Variants in PRSS23 observed in about 807,000 individuals in gnomAD.
PRSS23 encodes the protein serine protease 23.
A neutral mutation model predicts 34.7 loss-of-function variants in PRSS23; 25 were observed. The ratio of observed to expected loss-of-function variants is 0.72; its 90% confidence interval spans 0.53 to 1.01. PRSS23 has a LOEUF of 1.01. PRSS23 is among the 50% of genes least tolerant of loss of function. The probability of loss-of-function intolerance (pLI) is 0.00; values close to 1 mark genes in which losing one functional copy is unlikely to be tolerated. For synonymous variants in PRSS23, 176 were observed against 186.6 expected (o/e 0.94, Z 0.46); for missense variants, 445 against 475.6 (o/e 0.94, Z 0.60).
chr11:86,799,408 A>C (rs1031335031), upstream of PRSS23, among the ~76,000 whole-genome samples: 1 of 152,216 alleles, frequency 6.6e-6, no homozygotes, highest in African/African-American at 2.4e-5. Flanking sequence ...GAGAAAGGAA[A>C]GCTAAGTAGC....
At chr11:86,817,313 A>T (rs752629711) in intron 1 of PRSS23, among the ~76,000 whole-genome samples, 8 of 152,198 alleles carry the variant, frequency 5.3e-5, no homozygotes, top group Non-Finnish European at 7.3e-5. Flanking sequence ...GAAATGTGTC[A>T]ATCTGTCCAG....
At chr11:86,844,822 G>A (rs932336154) in intron 2 of PRSS23, among the ~76,000 whole-genome samples, 8 of 152,204 alleles carry the variant, frequency 5.3e-5, no homozygotes, top group Non-Finnish European at 1.0e-4. Context: ...GGGCATGGCG[G>A]CTCATGCCTG....
chr11:86,855,057 C>T lies in PRSS23; in HGVS notation c.206+31464C>T, dbSNP rs112708109. On this transcript the variant is annotated intron_variant, in intron 2 of 2. Transcript: ENST00000533902. ...GCACATGCCTGTTATCCCAGCTATT[C>T]GGGAGGCTGAGGCAGGAGAATCACT... Among the ~76,000 whole-genome samples, 372 of 151,930 alleles carry T rather than the reference C, an allele frequency of 2.4e-3. 3 individuals are homozygous for T. Among genetic ancestry groups the T allele is most frequent in the African/African-American group, 6.7e-3 (278 of 41,440 alleles).
intron 2 of PRSS23, among the ~76,000 whole-genome samples, chr11:86,859,896 C>A (rs546580139): frequency 6.6e-6 from 1 of 151,792 alleles, no homozygotes; most frequent in Non-Finnish European, 1.5e-5. Flanking sequence ...TGATATTACT[C>A]CAAATATTGC....
At chr11:86,911,241 T>C (rs1948975195) in intron 2 of PRSS23, 1 of 152,124 alleles carries the variant, frequency 6.6e-6, no homozygotes, top group South Asian at 2.1e-4. Flanking sequence ...ATAATTAGCT[T>C]ATAAGGAATC....
chr11:86,808,886 G>A lies in PRSS23; in HGVS notation c.*91G>A, dbSNP rs1225857587. 3.0e-6 allele frequency: 2 copies of A among 676,254 alleles called. No homozygotes were observed. Among genetic ancestry groups the A allele is most frequent in the Non-Finnish European group, 4.7e-6 (2 of 421,946 alleles). The allele number at this position is 676,254 out of a possible 1,614,324, so 41.9% of individuals were successfully genotyped here. ...TTTTTTGTCATTGGCGTGCACACGT[G>A]TGTGTGTGTGTGTGTGTGTGTGTAA... On this transcript the variant is annotated 3_prime_UTR_variant, in exon 2 of 2. Coordinates refer to ENST00000280258, the MANE Select transcript of PRSS23 (RefSeq NM_007173.6).
intron 2 of PRSS23, among the ~76,000 whole-genome samples, chr11:86,880,628 C>T (rs1007281098): frequency 1.3e-5 from 2 of 152,114 alleles, no homozygotes; most frequent in Non-Finnish European, 2.9e-5. Context: ...GGTATTTGTC[C>T]TAATGCCCTC....
chr11:86,831,763 T>G (rs1224444047), intron 2 of PRSS23, among the ~76,000 whole-genome samples: 1 of 151,976 alleles, frequency 6.6e-6, no homozygotes, highest in African/African-American at 2.4e-5. Flanking sequence ...GTACACCTTG[T>G]GATATTATTT....
At chr11:86,855,576 A>G (rs1203514929) in intron 2 of PRSS23, among the ~76,000 whole-genome samples, 1 of 151,636 alleles carries the variant, frequency 6.6e-6, no homozygotes, top group African/African-American at 2.4e-5. Flanking sequence ...GCTCACTGCA[A>G]CCTCTGCCTC....
chr11:86,854,973 C>T (rs1329150771), intron 2 of PRSS23, among the ~76,000 whole-genome samples: 1 of 152,178 alleles, frequency 6.6e-6, no homozygotes, highest in Admixed American at 6.5e-5. Context: ...CAAGTCCAGC[C>T]TGACCAACAG....
chr11:86,854,123 C>T (rs1295155784), intron 2 of PRSS23, among the ~76,000 whole-genome samples: 2 of 152,208 alleles, frequency 1.3e-5, no homozygotes, highest in Non-Finnish European at 2.9e-5. Context: ...GCCTCAGCCT[C>T]CCAGCTAGCT....
At chr11:86,794,752 G>A (rs1947970398) in intron 1 of PRSS23, among the ~76,000 whole-genome samples, 1 of 152,032 alleles carries the variant, frequency 6.6e-6, no homozygotes, top group Non-Finnish European at 1.5e-5. Context: ...GATTTGAGTG[G>A]TTTATCTTGT....
At chr11:86,876,829 C>G (rs1183881500) in intron 2 of PRSS23, among the ~76,000 whole-genome samples, 2 of 113,002 alleles carry the variant, frequency 1.8e-5, no homozygotes, top group African/African-American at 8.9e-5. Context: ...TCTAAGAAAA[C>G]CAATTAGAAA....
chr11:86,946,099 C>T (rs1027379610), intron 2 of PRSS23: 1 of 152,524 alleles, frequency 6.6e-6, no homozygotes, highest in African/African-American at 2.4e-5. Context: ...AGCCTCACAA[C>T]ATCCCTGTGA....
downstream of PRSS23, chr11:86,811,248 T>A (rs79072426): frequency 9.4e-3 from 1,572 of 166,648 alleles, 30 homozygotes; most frequent in African/African-American, 0.036. Context: ...TGTTTTCTCA[T>A]ATAATGCCTA....
Position 86,830,830 on chromosome 11 carries a change from T to C in PRSS23, c.206+7237T>C, listed in dbSNP as rs566918745. ...CTGGGTGTACACCCTGTGATATTAT[T>C]CATGATATCCTAGGGAGATGTTCCT... On this transcript the variant is annotated intron_variant, in intron 2 of 2. Transcript: ENST00000533902. Among the ~76,000 whole-genome samples, 3 of 152,250 alleles carry C rather than the reference T, an allele frequency of 2.0e-5. No homozygotes were observed. The South Asian group carries it at 6.2e-4, about 31-fold the overall frequency.
chr11:86,871,796 A>G (rs1279692736), intron 2 of PRSS23, among the ~76,000 whole-genome samples: 1 of 152,224 alleles, frequency 6.6e-6, no homozygotes, highest in Non-Finnish European at 1.5e-5. Flanking sequence ...GCTGAGACTC[A>G]TAAGATGACA....
rs1948156474 is a variant in PRSS23, at chr11:86,809,758, A to G, written c.*963A>G. 6.0e-6 allele frequency: 1 copy of G among 167,074 alleles called. No individual in the cohort carries two copies. The highest frequency in any genetic ancestry group is 6.5e-5 in the Admixed American group (1 of 15,290). The allele number at this position is 167,074 out of a possible 1,614,324, so 10.3% of individuals were successfully genotyped here. On this transcript the variant is annotated 3_prime_UTR_variant, in exon 2 of 2. Transcript: ENST00000280258. ...GGATGGAGTAATTTAAAATGAATTA[A>G]ATTCCAGAGAACAATGGAAGCATTG... is the stretch of plus-strand genomic sequence containing the variant.
intron 2 of PRSS23, among the ~76,000 whole-genome samples, chr11:86,904,527 T>C (rs556576353): frequency 6.6e-6 from 1 of 152,212 alleles, no homozygotes; most frequent in Non-Finnish European, 1.5e-5. Context: ...CTTTCTCAAC[T>C]CCCAGGTGGT....
Sources: gnomAD v4.1 joint callset for allele counts (sites outside exome capture counted in the v4.1 genomes callset) on GRCh38, gnomAD v4.1.1 for gene constraint, MANE v1.5 for transcripts, NCBI Gene and HGNC (gene_info 2026-07-23, HGNC 2026-07-21) for gene names.